Variants in LINC00237 observed in about 807,000 individuals in gnomAD.
LINC00237 encodes long independently transcribed non-coding RNA 237.
intron 3 of LINC00237, among the ~76,000 whole-genome samples, chr20:21,087,396 A>C (rs2030728263): frequency 6.6e-6 from 1 of 151,896 alleles, no homozygotes; most frequent in Admixed American, 6.6e-5. Context: ...TCTTTCTCTT[A>C]TTGCAAACAG....
chr20:21,086,673 A>G (rs2030706022), intron 3 of LINC00237, among the ~76,000 whole-genome samples: 1 of 45,306 alleles, frequency 2.2e-5, no homozygotes, highest in African/African-American at 8.5e-5. Flanking sequence ...TATACTATAT[A>G]TAGTATACTA....
intron 1 of LINC00237, among the ~76,000 whole-genome samples, chr20:21,098,972 G>T (rs181462065): frequency 6.6e-6 from 1 of 152,198 alleles, no homozygotes; most frequent in Admixed American, 6.5e-5. Context: ...GAACATAATC[G>T]CAGCCATGAA....
intron 3 of LINC00237, among the ~76,000 whole-genome samples, chr20:21,086,630 G>GTATACTATATATAA (rs1465258805): frequency 7.7e-6 from 1 of 129,488 alleles, no homozygotes; most frequent in African/African-American, 2.9e-5. Flanking sequence ...ACTATATATA[G>GTATACTATATATAA]TATACTATAT....
intron 1 of LINC00237, among the ~76,000 whole-genome samples, chr20:21,104,672 T>C (rs1036626480): frequency 3.3e-5 from 5 of 152,200 alleles, no homozygotes; most frequent in African/African-American, 1.2e-4. Context: ...GTTTTGTGTG[T>C]TCCAAATATC....
At chr20:21,100,990 GACA>G (rs1302004470) in intron 1 of LINC00237, among the ~76,000 whole-genome samples, 3 of 152,130 alleles carry the variant, frequency 2.0e-5, no homozygotes, top group Non-Finnish European at 2.9e-5. Context: ...ACAAAAGCCA[GACA>G]ACAATATCAA....
At chr20:21,098,102 A>G (rs2030883800) in intron 1 of LINC00237, among the ~76,000 whole-genome samples, 1 of 152,280 alleles carries the variant, frequency 6.6e-6, no homozygotes, top group Non-Finnish European at 1.5e-5. Context: ...TAGGTTCTGT[A>G]TATAAAAATG....
chr20:21,095,600 C>G (rs1209250704), intron 1 of LINC00237, among the ~76,000 whole-genome samples: 3 of 152,158 alleles, frequency 2.0e-5, no homozygotes, highest in Admixed American at 1.3e-4. Flanking sequence ...ACCAACCTGG[C>G]TAGAGCAAGC....
intron 2 of LINC00237, chr20:21,089,838 G>A (rs930229859): frequency 6.6e-6 from 1 of 152,192 alleles, no homozygotes; most frequent in Non-Finnish European, 1.5e-5. Context: ...CTAGATTTGG[G>A]CTTCTCCTGC....
At chr20:21,102,889 C>T (rs2122184451) in intron 1 of LINC00237, among the ~76,000 whole-genome samples, 1 of 152,296 alleles carries the variant, frequency 6.6e-6, no homozygotes, top group Non-Finnish European at 1.5e-5. Flanking sequence ...TGGCCGCTCA[C>T]CCCGCTCGCC....
intron 1 of LINC00237, among the ~76,000 whole-genome samples, chr20:21,094,996 GCAGAGATCACGCCACTGCACT>G (rs2030838543): frequency 6.6e-6 from 1 of 152,190 alleles, no homozygotes; most frequent in African/African-American, 2.4e-5. Context: ...GTTGCAGTGA[GCAGAGATCACGCCACTGCACT>G]CCAGCCTGGG....
intron 1 of LINC00237, among the ~76,000 whole-genome samples, chr20:21,099,764 C>T (rs1405754405): frequency 1.3e-5 from 2 of 152,076 alleles, no homozygotes; most frequent in Non-Finnish European, 2.9e-5. Context: ...TTTGTCAGGG[C>T]GGGTGCTTGA....
In LINC00237 at chr20:21,101,964, G is replaced by A. The variant is rs1335152376; in HGVS notation, n.88+4307C>T. 1.3e-5 allele frequency among the ~76,000 whole-genome samples: 2 copies of A among 152,246 alleles called. No individual in the cohort carries two copies. The highest frequency in any genetic ancestry group is 3.9e-4 in the East Asian group (2 of 5,186). On this transcript the variant is annotated intron_variant and non_coding_transcript_variant, in intron 1 of 3. Coordinates refer to ENST00000691244, the Ensembl canonical transcript of LINC00237. This position sits in a 1 kb window ranked among gnomAD's most constrained non-coding sequence, Gnocchi z 4.3. Reference sequence around the variant, plus strand: ...GTAGCTCCGGGCTCTCCACGGACTCGATTGGACAGCCCCAGGCCGGCTTTG... The same window carrying A: ...GTAGCTCCGGGCTCTCCACGGACTCAATTGGACAGCCCCAGGCCGGCTTTG...
intron 3 of LINC00237, among the ~76,000 whole-genome samples, chr20:21,086,898 T>C (rs1482500995): frequency 1.2e-4 from 16 of 136,318 alleles, no homozygotes; most frequent in Admixed American, 6.0e-4. Context: ...ATGTACTATA[T>C]ATAGTACATA....
chr20:21,104,796 T>A (rs576003286), intron 1 of LINC00237, among the ~76,000 whole-genome samples: 18 of 152,346 alleles, frequency 1.2e-4, no homozygotes, highest in Non-Finnish European at 2.2e-4. Flanking sequence ...TTTGTTTACA[T>A]ATTCTCTCTG....
intron 1 of LINC00237, among the ~76,000 whole-genome samples, chr20:21,094,386 A>G (rs1435491818): frequency 1.3e-5 from 2 of 152,226 alleles, no homozygotes; most frequent in Non-Finnish European, 2.9e-5. Context: ...AGAGCCAACA[A>G]TAAGAGGCAA....
chr20:21,104,584 C>T (rs531580292), intron 1 of LINC00237, among the ~76,000 whole-genome samples: 22 of 152,358 alleles, frequency 1.4e-4, no homozygotes, highest in Admixed American at 3.3e-4. Context: ...GGGCCCAGGA[C>T]GCGGGGCAGC....
chr20:21,096,944 A>G (rs1159569569), intron 1 of LINC00237, among the ~76,000 whole-genome samples: 11 of 152,212 alleles, frequency 7.2e-5, no homozygotes, highest in East Asian at 1.9e-4. Context: ...GACAAACACC[A>G]AAACAATGTC....
At chr20:21,092,322 A>C (rs2030803945) in intron 2 of LINC00237, among the ~76,000 whole-genome samples, 1 of 152,222 alleles carries the variant, frequency 6.6e-6, no homozygotes, top group South Asian at 2.1e-4. Flanking sequence ...TCTGACGATC[A>C]AGTCTCAGTG....
chr20:21,096,563 C>A (rs2030861008), intron 1 of LINC00237, among the ~76,000 whole-genome samples: 1 of 152,138 alleles, frequency 6.6e-6, no homozygotes, highest in African/African-American at 2.4e-5. Flanking sequence ...AGTCTCCGAC[C>A]CTGGAAGATT....
Sources: allele counts gnomAD v4.1 joint callset (sites outside exome capture counted in the v4.1 genomes callset), GRCh38; gene constraint gnomAD v4.1.1; non-coding constraint Gnocchi (gnomAD v3.1); transcripts MANE v1.5; gene names NCBI Gene and HGNC (gene_info 2026-07-23, HGNC 2026-07-21).